The following GABRB3 variants were observed in gnomAD, a reference collection of about 807,000 sequenced individuals.
GABRB3 encodes gamma-aminobutyric acid type A receptor subunit beta3.
Under a neutral mutation model 52.1 loss-of-function variants are expected in GABRB3, and 14 were observed. The observed-to-expected ratio is 0.27, with a 90% confidence interval of 0.18 to 0.42. The LOEUF is 0.42. GABRB3 is among the 10% of genes least tolerant of loss of function. GABRB3 has a pLI of 1.00. For synonymous variants in GABRB3, 260 were observed against 232.3 expected, an observed-to-expected ratio of 1.12 and a Z score of -1.08; for missense variants, 307 against 609.1, an observed-to-expected ratio of 0.50 and a Z score of 5.22.
At chr15:26,672,211 A>C (rs1469049343) in intron 3 of GABRB3, among the ~76,000 whole-genome samples, 1 of 152,230 alleles carries the variant, frequency 6.6e-6, no homozygotes, top group African/African-American at 2.4e-5. Flanking sequence ...ACGCAGGAAG[A>C]AACTTTCTCT....
In GABRB3 at chr15:26,698,469, C is replaced by T. The variant is rs546362353; in HGVS notation, c.240+73933G>A. Among the ~76,000 whole-genome samples, 2 of 152,252 alleles carry T rather than the reference C, an allele frequency of 1.3e-5. 1 individual carries two copies. Among genetic ancestry groups the T allele is most frequent in the African/African-American group, 4.8e-5 (2 of 41,542 alleles). The stretch of plus-strand genomic sequence containing the variant: ...CAATTATATACACATTTATAGGGTA[C>T]TGCTCTGCAAACATAAACAACATTG... On this transcript the variant is annotated intron_variant, in intron 3 of 8. Coordinates refer to ENST00000311550, the MANE Select transcript of GABRB3 (RefSeq NM_000814.6).
chr15:26,562,238 G>A (rs1890018073), intron 7 of GABRB3, among the ~76,000 whole-genome samples: 2 of 152,208 alleles, frequency 1.3e-5, no homozygotes, highest in Admixed American at 1.3e-4. Flanking sequence ...CAGCTGACGC[G>A]CTCTCTTGGA....
intron 3 of GABRB3, among the ~76,000 whole-genome samples, chr15:26,758,584 C>A (rs1011350973): frequency 8.5e-5 from 13 of 152,068 alleles, no homozygotes; most frequent in Non-Finnish European, 1.8e-4. Flanking sequence ...GGACAATCTG[C>A]CCCATTAATT....
chr15:26,546,165 G>T lies in GABRB3; in HGVS notation c.*1628C>A, dbSNP rs1351728956. On this transcript the variant is annotated 3_prime_UTR_variant, in exon 9 of 9. Coordinates refer to ENST00000311550, the MANE Select transcript of GABRB3 (RefSeq NM_000814.6). ...CATTTTGGGATAAAGTATTAATTTAGCAGTTCTTCCTGCAAATTTTGCTTT... is the reference window on the plus strand; with the variant it reads ...CATTTTGGGATAAAGTATTAATTTATCAGTTCTTCCTGCAAATTTTGCTTT... The T allele has an allele frequency of 6.6e-6, 1 of 152,522 alleles. No homozygotes were observed. Among genetic ancestry groups the T allele is most frequent in the Non-Finnish European group, 1.5e-5 (1 of 68,030 alleles). The allele number at this position is 152,522 out of a possible 1,614,324, so 9.4% of individuals were successfully genotyped here. A position where few individuals can be genotyped will look rare whatever the true frequency, so the allele number is the denominator to read the frequency against.
rs1887659073 is a variant in GABRB3 at position 26,664,790 on chromosome 15, T to A, written c.241-43256A>T. ...TACAATCTCAGCTCACCGCAACCTCTGCACTGCCACCTCCTGGGTTCAAGC... is the reference window on the plus strand; with the variant it reads ...TACAATCTCAGCTCACCGCAACCTCAGCACTGCCACCTCCTGGGTTCAAGC... On this transcript the variant is annotated intron_variant, in intron 3 of 8. Coordinates refer to ENST00000311550, the MANE Select transcript of GABRB3 (RefSeq NM_000814.6). 9.7e-5 allele frequency among the ~76,000 whole-genome samples: 14 copies of A among 144,570 alleles called. No individual in the cohort carries two copies. The South Asian group carries it at 3.2e-3, about 33-fold the overall frequency. 94.8% of individuals were successfully genotyped at this position (144,570 alleles called of 152,430 possible).
intron 3 of GABRB3, among the ~76,000 whole-genome samples, chr15:26,627,878 G>C (rs1454743375): frequency 6.6e-6 from 1 of 152,202 alleles, no homozygotes. Context: ...TCTACTCTGG[G>C]TAAAATGCTA....
At chr15:26,618,898 C>T (rs1251996034) in intron 4 of GABRB3, among the ~76,000 whole-genome samples, 1 of 143,402 alleles carries the variant, frequency 7.0e-6, no homozygotes, top group Non-Finnish European at 1.5e-5. Context: ...ATTTATGCAG[C>T]CAAAAAACAC....
intron 3 of GABRB3, among the ~76,000 whole-genome samples, chr15:26,634,590 T>C (rs1242836989): frequency 2.0e-5 from 3 of 152,008 alleles, no homozygotes; most frequent in Non-Finnish European, 4.4e-5. Context: ...TGCTTACCCA[T>C]GGTGTCTAGA....
chr15:26,663,863 A>G (rs1000854974), intron 3 of GABRB3, among the ~76,000 whole-genome samples: 3 of 152,078 alleles, frequency 2.0e-5, no homozygotes, highest in South Asian at 4.2e-4. Flanking sequence ...TAATTTTTCT[A>G]TAGTGTTTTC....
chr15:26,609,280 G>T (rs1257593084), intron 4 of GABRB3, among the ~76,000 whole-genome samples: 1 of 152,096 alleles, frequency 6.6e-6, no homozygotes, highest in Non-Finnish European at 1.5e-5. Context: ...GGGATCTACA[G>T]TTGAACTCAT....
intron 6 of GABRB3, among the ~76,000 whole-genome samples, chr15:26,573,225 C>A (rs1360578132): frequency 6.6e-6 from 1 of 152,172 alleles, no homozygotes; most frequent in Non-Finnish European, 1.5e-5. Flanking sequence ...GTTCTGGGCC[C>A]ATTATCATGC....
In GABRB3 at chr15:26,602,397, T is replaced by C. The variant is rs570557594; in HGVS notation, c.461+18917A>G. 1.8e-4 allele frequency among the ~76,000 whole-genome samples: 28 copies of C among 152,248 alleles called. No homozygotes were observed. In the East Asian group the frequency reaches 3.3e-3, roughly 18 times the overall value. On this transcript the variant is annotated intron_variant, in intron 4 of 8. Coordinates refer to ENST00000311550, the MANE Select transcript of GABRB3 (RefSeq NM_000814.6). ...GAAACATAAGACTTAATCTGCACTA[T>C]AGAACAAAGATGGATTTAATAAATA...
intron 3 of GABRB3, among the ~76,000 whole-genome samples, chr15:26,754,118 A>G (rs1444755428): frequency 6.6e-6 from 1 of 152,200 alleles, no homozygotes; most frequent in African/African-American, 2.4e-5. Flanking sequence ...GATTTAAAGG[A>G]GATAGAGGGA....
chr15:26,578,103 G>A (rs914288404), intron 6 of GABRB3, among the ~76,000 whole-genome samples: 20 of 152,010 alleles, frequency 1.3e-4, no homozygotes, highest in African/African-American at 2.9e-4. Context: ...CCCCTTTTTC[G>A]GGAATACTCT....
chr15:26,604,146 T>C (rs1270278808), intron 4 of GABRB3, among the ~76,000 whole-genome samples: 1 of 151,938 alleles, frequency 6.6e-6, no homozygotes, highest in Non-Finnish European at 1.5e-5. Context: ...AAAAAAGAAA[T>C]TTAAAAAATC....
chr15:26,703,078 G>A (rs771060404), intron 3 of GABRB3, among the ~76,000 whole-genome samples: 25 of 152,134 alleles, frequency 1.6e-4, no homozygotes, highest in Non-Finnish European at 2.8e-4. Context: ...CATTCAGGAA[G>A]GCTCTGACAT....
At chr15:26,567,793 G>C in intron 6 of GABRB3, 60 bp from the exon 7 acceptor site, 8 of 1,547,338 alleles carry the variant, frequency 5.2e-6, no homozygotes, top group Non-Finnish European at 7.1e-6. Flanking sequence ...TAAAGAGTTT[G>C]CTTTGACTTC....
chr15:26,727,657 C>G (rs1889808784), intron 3 of GABRB3, among the ~76,000 whole-genome samples: 2 of 152,208 alleles, frequency 1.3e-5, no homozygotes, highest in African/African-American at 2.4e-5. Context: ...CAGGTATGCT[C>G]AAATGACACT....
chr15:26,731,067 TCG>T (rs35948450), intron 3 of GABRB3, among the ~76,000 whole-genome samples: 48,106 of 146,216 alleles, frequency 0.33, 7,758 homozygotes, highest in Middle Eastern at 0.42. Context: ...TCACTCGCTC[TCG>T]CTCTCTCTCT....
Sources: allele counts gnomAD v4.1 joint callset (sites outside exome capture counted in the v4.1 genomes callset), GRCh38; gene constraint gnomAD v4.1.1; transcripts MANE v1.5; gene names NCBI Gene and HGNC (gene_info 2026-07-23, HGNC 2026-07-21).